The following TRPC4 variants were observed in gnomAD, a reference collection of about 807,000 sequenced individuals.
TRPC4 encodes transient receptor potential cation channel subfamily C member 4.
In TRPC4, 49 loss-of-function variants were observed where a neutral mutation model predicts 99.4. That is an observed-to-expected ratio of 0.49 (90% CI 0.39 to 0.63). The LOEUF (loss-of-function observed/expected upper bound fraction) is 0.63, where lower values mean the gene tolerates loss of function less well. TRPC4 is among the 20% of genes least tolerant of loss of function. TRPC4 has a pLI of 0.00. For missense variants in TRPC4, 898 were observed against 1,152.9 expected (o/e 0.78, Z 3.20); for synonymous variants, 454 against 425.9 (o/e 1.07, Z -0.81).
chr13:37,726,634 T>C (rs1955070134), intron 3 of TRPC4, among the ~76,000 whole-genome samples: 1 of 152,050 alleles, frequency 6.6e-6, no homozygotes, highest in Non-Finnish European at 1.5e-5. Context: ...TGTAAATGAA[T>C]GAAACTCTCC....
chr13:37,801,494 G>GA (rs1184452200), intron 1 of TRPC4, among the ~76,000 whole-genome samples: 1 of 152,062 alleles, frequency 6.6e-6, no homozygotes, highest in Non-Finnish European at 1.5e-5. Context: ...ATGGGTTTGG[G>GA]AGAGTTAAGA....
rs192662001 is a variant in TRPC4, at chr13:37,755,261, C to T, written c.379-8806G>A. Reference sequence around the variant, plus strand: ...TAAATGGATACATGTCCTAACCTGGCTCTTTAAAAAAAAAAAAAGAAGAAA... The same window carrying T: ...TAAATGGATACATGTCCTAACCTGGTTCTTTAAAAAAAAAAAAAGAAGAAA... On this transcript the variant is annotated intron_variant, in intron 2 of 10. Coordinates refer to ENST00000379705, the MANE Select transcript of TRPC4 (RefSeq NM_016179.4). 7.5e-3 allele frequency among the ~76,000 whole-genome samples: 1,106 copies of T among 147,186 alleles called. 10 individuals carry two copies. The highest frequency in any genetic ancestry group is 0.023 in the South Asian group (110 of 4,770).
chr13:37,763,308 A>G (rs74047157), intron 2 of TRPC4, among the ~76,000 whole-genome samples: 6,446 of 151,666 alleles, frequency 0.043, 373 homozygotes, highest in African/African-American at 0.13. Context: ...GGAAGTACTA[A>G]GGCATATATT....
intron 1 of TRPC4, among the ~76,000 whole-genome samples, chr13:37,842,330 G>T (rs1450034902): frequency 1.6e-5 from 1 of 63,108 alleles, no homozygotes; most frequent in Admixed American, 2.8e-4. Context: ...AGCAATTAAT[G>T]ATAGCGTCTA....
chr13:37,672,934 C>T (rs1296880488), intron 5 of TRPC4, among the ~76,000 whole-genome samples: 1 of 152,092 alleles, frequency 6.6e-6, no homozygotes, highest in Non-Finnish European at 1.5e-5. Context: ...TATGGCCTTT[C>T]CAACTTCAGA....
intron 1 of TRPC4, among the ~76,000 whole-genome samples, chr13:37,815,373 C>G (rs1274483643): frequency 6.6e-6 from 1 of 151,714 alleles, no homozygotes; most frequent in African/African-American, 2.4e-5. Flanking sequence ...TACAAGATAC[C>G]CATCTCACAT....
At chr13:37,866,515 C>A (rs759280332) in intron 1 of TRPC4, among the ~76,000 whole-genome samples, 1 of 151,670 alleles carries the variant, frequency 6.6e-6, no homozygotes, top group Non-Finnish European at 1.5e-5. Flanking sequence ...ATTTTCAATG[C>A]GCATGCCTTT....
intron 1 of TRPC4, among the ~76,000 whole-genome samples, chr13:37,798,102 C>CTT (rs1200845483): frequency 6.6e-6 from 1 of 152,150 alleles, no homozygotes; most frequent in African/African-American, 2.4e-5. Context: ...AGATTATTCA[C>CTT]ATAAATAGCA....
intron 8 of TRPC4, among the ~76,000 whole-genome samples, chr13:37,650,392 A>T (rs1952001486): frequency 1.3e-5 from 2 of 152,156 alleles, no homozygotes; most frequent in African/African-American, 4.8e-5. Flanking sequence ...AAAGTGAGGA[A>T]GGCGTGAAGA....
chr13:37,826,641 C>G (rs1958223486), intron 1 of TRPC4, among the ~76,000 whole-genome samples: 1 of 151,994 alleles, frequency 6.6e-6, no homozygotes, highest in Non-Finnish European at 1.5e-5. Context: ...GCCAAGAGAT[C>G]CGCTGTTAGT....
chr13:37,723,526 C>T (rs1160555623), intron 3 of TRPC4, among the ~76,000 whole-genome samples: 3 of 152,042 alleles, frequency 2.0e-5, no homozygotes, highest in African/African-American at 7.2e-5. Flanking sequence ...TATTGATACC[C>T]ACTGTTGGTG....
At chr13:37,861,624 C>A (rs1039836366) in intron 1 of TRPC4, among the ~76,000 whole-genome samples, 2 of 151,458 alleles carry the variant, frequency 1.3e-5, no homozygotes, top group Non-Finnish European at 3.0e-5. Context: ...CATGAAAGGG[C>A]AAAATCATTT....
intron 3 of TRPC4, among the ~76,000 whole-genome samples, chr13:37,714,344 C>T (rs1954592428): frequency 6.6e-6 from 1 of 152,098 alleles, no homozygotes. Flanking sequence ...CAAGACTGGT[C>T]TCGAACTCCT....
intron 1 of TRPC4, among the ~76,000 whole-genome samples, chr13:37,795,881 C>A (rs1261725724): frequency 6.6e-6 from 1 of 152,124 alleles, no homozygotes; most frequent in Non-Finnish European, 1.5e-5. Flanking sequence ...CAGGAGAAGG[C>A]AATACATTTC....
At chr13:37,663,787 C>T in intron 5 of TRPC4, 58 bp from the exon 6 acceptor site, 1 of 1,416,112 alleles carries the variant, frequency 7.1e-7, no homozygotes, top group South Asian at 1.4e-5. Flanking sequence ...ATAAATAGAT[C>T]AAGGTCAGAC....
intron 3 of TRPC4, among the ~76,000 whole-genome samples, chr13:37,719,786 C>A (rs1954804922): frequency 6.6e-6 from 1 of 151,522 alleles, no homozygotes; most frequent in African/African-American, 2.4e-5. Context: ...AATGCCCTCC[C>A]TCCAAAGATG....
chr13:37,854,615 C>T (rs1959139002), intron 1 of TRPC4, among the ~76,000 whole-genome samples: 1 of 151,942 alleles, frequency 6.6e-6, no homozygotes, highest in East Asian at 1.9e-4. Flanking sequence ...AGGAATAAAG[C>T]TAAGTGTGGA....
At chr13:37,816,046 C>T (rs959256754) in intron 1 of TRPC4, among the ~76,000 whole-genome samples, 1 of 151,872 alleles carries the variant, frequency 6.6e-6, no homozygotes, top group African/African-American at 2.4e-5. Flanking sequence ...TCAAGAAATT[C>T]TTTGAAATTA....
intron 8 of TRPC4, among the ~76,000 whole-genome samples, chr13:37,641,488 A>G (rs1294644379): frequency 6.6e-6 from 1 of 152,214 alleles, no homozygotes; most frequent in African/African-American, 2.4e-5. Flanking sequence ...GAAAAAAAGA[A>G]TGGATGAGGT....
Sources: allele counts gnomAD v4.1 joint callset (sites outside exome capture counted in the v4.1 genomes callset), GRCh38; gene constraint gnomAD v4.1.1; transcripts MANE v1.5; gene names NCBI Gene and HGNC (gene_info 2026-07-23, HGNC 2026-07-21).